The following FER variants were observed in gnomAD, a reference collection of about 807,000 sequenced individuals.
The protein encoded by FER is FER tyrosine kinase.
FER carries 63 observed loss-of-function variants against 111.0 expected under a neutral mutation model. The ratio of observed to expected loss-of-function variants is 0.57; its 90% CI spans 0.46 to 0.70. The LOEUF (loss-of-function observed/expected upper bound fraction) is 0.70. FER is among the 30% of genes least tolerant of loss of function. The pLI, the probability that FER is intolerant of heterozygous loss-of-function variation, is 0.00. For missense variants in FER, 914 were observed against 954.0 expected (o/e 0.96, Z 0.55); for synonymous variants, 327 against 313.9 (o/e 1.04, Z -0.44).
chr5:109,128,132 T>G (rs990411187), intron 17 of FER, among the ~76,000 whole-genome samples: 1 of 152,134 alleles, frequency 6.6e-6, no homozygotes, highest in Non-Finnish European at 1.5e-5. Flanking sequence ...AAATTTATCC[T>G]AGCCATGAAA....
intron 3 of FER, among the ~76,000 whole-genome samples, chr5:108,807,838 T>C (rs1422559449): frequency 2.0e-5 from 3 of 152,050 alleles, no homozygotes; most frequent in African/African-American, 7.2e-5. Flanking sequence ...TTATTTCAGA[T>C]AATGTTTTGA....
intron 5 of FER, among the ~76,000 whole-genome samples, chr5:108,859,287 T>C (rs1580909858): frequency 6.6e-6 from 1 of 152,264 alleles, no homozygotes; most frequent in East Asian, 1.9e-4. Flanking sequence ...ACCTTCTTTT[T>C]CTGATGGTTG....
At chr5:108,786,742 C>T (rs1053365882) in intron 2 of FER, among the ~76,000 whole-genome samples, 1 of 152,142 alleles carries the variant, frequency 6.6e-6, no homozygotes, top group Non-Finnish European at 1.5e-5. Flanking sequence ...CCTCGTGATC[C>T]GCCCACCTCA....
At chr5:108,835,636 T>C in intron 4 of FER, 72 bp from the exon 5 acceptor site, 4 of 976,572 alleles carry the variant, frequency 4.1e-6, no homozygotes, top group Non-Finnish European at 6.2e-6. Context: ...AGTTAATACT[T>C]TGGAATTTAA....
intron 10 of FER, among the ~76,000 whole-genome samples, chr5:108,942,171 T>A (rs1023152809): frequency 2.0e-5 from 3 of 152,164 alleles, no homozygotes; most frequent in African/African-American, 7.2e-5. Flanking sequence ...GGCTATTGAA[T>A]AGGACGGGAG....
intron 17 of FER, among the ~76,000 whole-genome samples, chr5:109,121,657 T>G (rs1750994163): frequency 6.6e-6 from 1 of 152,092 alleles, no homozygotes; most frequent in Non-Finnish European, 1.5e-5. Flanking sequence ...GGGGCAGGAA[T>G]AGTTTCAGTA....
Position 109,013,333 on chromosome 5 carries a change from G to C in FER, c.1657-24089G>C, listed in dbSNP as rs960805791. ...CTATGAGTGAGAACTTGCGGTGTTTGGTTTTTTGTCCTTGCGATAGTTTAC... is the reference window on the plus strand; with the variant it reads ...CTATGAGTGAGAACTTGCGGTGTTTCGTTTTTTGTCCTTGCGATAGTTTAC... On this transcript the variant is annotated intron_variant, in intron 13 of 19. Coordinates refer to ENST00000281092, the MANE Select transcript of FER (RefSeq NM_005246.4). Among the ~76,000 whole-genome samples, 64 of 148,502 alleles carry C rather than the reference G, an allele frequency of 4.3e-4. 1 individual carries two copies. The highest frequency in any genetic ancestry group is 1.5e-3 in the African/African-American group (59 of 40,168).
intron 3 of FER, among the ~76,000 whole-genome samples, chr5:108,818,667 G>A (rs1758523977): frequency 6.6e-6 from 1 of 152,072 alleles, no homozygotes; most frequent in Non-Finnish European, 1.5e-5. Context: ...TGAGATATTG[G>A]GGCGGTTAGA....
chr5:108,964,765 G>A (rs1004805745), intron 13 of FER, among the ~76,000 whole-genome samples: 10 of 152,150 alleles, frequency 6.6e-5, no homozygotes, highest in African/African-American at 2.2e-4. Context: ...AATACTGGTA[G>A]TGAATTTCAA....
intron 1 of FER, among the ~76,000 whole-genome samples, chr5:108,764,165 G>C (rs547649604): frequency 6.6e-6 from 1 of 152,082 alleles, no homozygotes; most frequent in South Asian, 2.1e-4. Flanking sequence ...GGATAGTTTG[G>C]GAAAAGAAAA....
chr5:109,190,697 T>G lies in FER; in HGVS notation c.*3122T>G, dbSNP rs771855403. Reference sequence around the variant, plus strand: ...TTTCAGCCTGTCCTGCCATGAGGTCTCCAGTGAGAGGTCTCCAGTGAAAGG... The same window carrying G: ...TTTCAGCCTGTCCTGCCATGAGGTCGCCAGTGAGAGGTCTCCAGTGAAAGG... On this transcript the variant is annotated 3_prime_UTR_variant, in exon 20 of 20. Coordinates refer to ENST00000281092, the MANE Select transcript of FER (RefSeq NM_005246.4). 2.6e-5 allele frequency: 4 copies of G among 152,208 alleles called. No individual in the cohort carries two copies. Among genetic ancestry groups the G allele is most frequent in the Non-Finnish European group, 4.4e-5 (3 of 68,012 alleles). 9.4% of individuals were successfully genotyped at this position (152,208 alleles called of 1,614,324 possible). A position where few individuals can be genotyped will look rare whatever the true frequency, so the allele number is the denominator to read the frequency against.
chr5:109,108,448 G>C (rs534802867), intron 17 of FER, among the ~76,000 whole-genome samples: 8 of 152,256 alleles, frequency 5.3e-5, no homozygotes, highest in Middle Eastern at 3.4e-3. Flanking sequence ...AGAAAGCCTT[G>C]TTGTAGGGAG....
chr5:108,879,898 C>G lies in FER; in HGVS notation c.924-3498C>G, dbSNP rs182941927. Reference sequence around the variant, plus strand: ...CTAATTTTTGTATTTTTAGTAGAGACGAGGTTTCACCATGTTGGCCAGGCT... The same window carrying G: ...CTAATTTTTGTATTTTTAGTAGAGAGGAGGTTTCACCATGTTGGCCAGGCT... On this transcript the variant is annotated intron_variant, in intron 8 of 19. Coordinates refer to ENST00000281092, the MANE Select transcript of FER (RefSeq NM_005246.4). Among the ~76,000 whole-genome samples the G allele has an allele frequency of 6.0e-3, 903 of 151,140 alleles. 16 individuals carry two copies. Among genetic ancestry groups the G allele is most frequent in the African/African-American group, 0.021 (867 of 41,118 alleles).
chr5:109,075,934 A>G (rs556782977), intron 16 of FER, among the ~76,000 whole-genome samples: 1 of 152,288 alleles, frequency 6.6e-6, no homozygotes, highest in Non-Finnish European at 1.5e-5. Context: ...TAATCATAAT[A>G]AAGTATATAA....
At chr5:109,127,994 AT>A (rs1275867788) in intron 17 of FER, among the ~76,000 whole-genome samples, 1 of 152,056 alleles carries the variant, frequency 6.6e-6, no homozygotes, top group African/African-American at 2.4e-5. Flanking sequence ...CTTTATCCAT[AT>A]TTGATTTTAA....
At chr5:108,867,309 G>T (rs1764162599) in intron 5 of FER, among the ~76,000 whole-genome samples, 1 of 152,076 alleles carries the variant, frequency 6.6e-6, no homozygotes, top group Non-Finnish European at 1.5e-5. Flanking sequence ...TGCTTCCCCA[G>T]ATATGTCCCA....
At chr5:108,915,558 G>T (rs1237798675) in intron 10 of FER, among the ~76,000 whole-genome samples, 2 of 151,550 alleles carry the variant, frequency 1.3e-5, no homozygotes, top group South Asian at 2.1e-4. Context: ...TTTTTATGGA[G>T]CCTGAGCGTT....
intron 17 of FER, among the ~76,000 whole-genome samples, chr5:109,119,618 C>G (rs1750708358): frequency 6.6e-6 from 1 of 151,976 alleles, no homozygotes; most frequent in African/African-American, 2.4e-5. Context: ...GTGTTAAAGT[C>G]TCCTATTATT....
At chr5:108,997,114 C>T (rs532643450) in intron 13 of FER, among the ~76,000 whole-genome samples, 2 of 151,998 alleles carry the variant, frequency 1.3e-5, no homozygotes, top group African/African-American at 4.8e-5. Context: ...ATTTTGTATC[C>T]TGAGACTTTG....
Sources: gnomAD v4.1 joint callset for allele counts (sites outside exome capture counted in the v4.1 genomes callset) on GRCh38, gnomAD v4.1.1 for gene constraint, MANE v1.5 for transcripts, NCBI Gene and HGNC (gene_info 2026-07-23, HGNC 2026-07-21) for gene names.